SLCO1A2: variants seen among roughly 807,000 people sequenced by gnomAD.
The protein encoded by SLCO1A2 is solute carrier organic anion transporter family member 1A2.
Under a neutral mutation model 69.0 loss-of-function variants are expected in SLCO1A2, and 67 were observed. The observed-to-expected ratio is 0.97, with a 90% CI of 0.80 to 1.19. The LOEUF (loss-of-function observed/expected upper bound fraction) is 1.19, where lower values mean the gene tolerates loss of function less well. SLCO1A2 is among the 50% of genes most tolerant of loss of function. The pLI, the probability that SLCO1A2 is intolerant of heterozygous loss-of-function variation, is 0.00. For synonymous variants in SLCO1A2, 260 were observed against 265.9 expected (o/e 0.98, Z 0.22); for missense variants, 787 against 793.7 (o/e 0.99, Z 0.10).
chr12:21,398,989 A>G (rs1941587373), upstream of SLCO1A2, among the ~76,000 whole-genome samples: 1 of 150,272 alleles, frequency 6.7e-6, no homozygotes. Flanking sequence ...CTCTCTCACC[A>G]CTCCTATTCA....
chr12:21,310,747 T>C (rs941882325), intron 4 of SLCO1A2, among the ~76,000 whole-genome samples: 60 of 152,080 alleles, frequency 3.9e-4, no homozygotes, highest in Non-Finnish European at 4.9e-4. Flanking sequence ...GGACTACAGG[T>C]GCCAACCACC....
intron 2 of SLCO1A2, among the ~76,000 whole-genome samples, chr12:21,340,950 T>TA (rs1265839730): frequency 1.3e-5 from 2 of 152,054 alleles, no homozygotes; most frequent in East Asian, 3.9e-4. Flanking sequence ...GAGATAATAA[T>TA]AAAAATATAA....
At chr12:21,310,367 A>G (rs1359635562) in intron 4 of SLCO1A2, among the ~76,000 whole-genome samples, 1 of 152,254 alleles carries the variant, frequency 6.6e-6, no homozygotes, top group Non-Finnish European at 1.5e-5. Context: ...CAGTAATTGA[A>G]AATGTTTTAT....
At chr12:21,284,093 T>C (rs915291327) in intron 12 of SLCO1A2, among the ~76,000 whole-genome samples, 3 of 152,168 alleles carry the variant, frequency 2.0e-5, no homozygotes, top group African/African-American at 7.2e-5. Context: ...AGGAAGTCAG[T>C]GTATCGAAGA....
intron 6 of SLCO1A2, among the ~76,000 whole-genome samples, chr12:21,302,955 G>T (rs1948905692): frequency 6.7e-6 from 1 of 149,968 alleles, no homozygotes; most frequent in Non-Finnish European, 1.5e-5. Flanking sequence ...GCCTCCCAAA[G>T]TGCTGGGATT....
At chr12:21,416,298 A>C (rs1941986544) in intron 1 of SLCO1A2, among the ~76,000 whole-genome samples, 1 of 151,412 alleles carries the variant, frequency 6.6e-6, no homozygotes, top group Admixed American at 6.6e-5. Context: ...ATTTTCTGTC[A>C]GTCACAATTA....
At chr12:21,278,617 C>A (rs1208033937) in intron 12 of SLCO1A2, among the ~76,000 whole-genome samples, 1 of 152,178 alleles carries the variant, frequency 6.6e-6, no homozygotes, top group Non-Finnish European at 1.5e-5. Context: ...TCTTTTGGAT[C>A]TTATCCAAGA....
At chr12:21,325,100 C>A (rs1461091602) in intron 2 of SLCO1A2, among the ~76,000 whole-genome samples, 2 of 152,150 alleles carry the variant, frequency 1.3e-5, no homozygotes, top group Non-Finnish European at 2.9e-5. Context: ...AATAAATGCT[C>A]CACAAATGGA....
intron 2 of SLCO1A2, among the ~76,000 whole-genome samples, chr12:21,348,642 T>C (rs1937687048): frequency 6.6e-6 from 1 of 152,362 alleles, no homozygotes; most frequent in African/African-American, 2.4e-5. Flanking sequence ...CACCACATTC[T>C]GTATCATCCT....
chr12:21,330,265 G>A (rs983732430), intron 2 of SLCO1A2, among the ~76,000 whole-genome samples: 1 of 152,088 alleles, frequency 6.6e-6, no homozygotes, highest in Non-Finnish European at 1.5e-5. Context: ...GACTAAGGCA[G>A]ACAGATCATT....
intron 1 of SLCO1A2, among the ~76,000 whole-genome samples, chr12:21,413,661 C>T (rs998694549): frequency 1.3e-5 from 2 of 152,124 alleles, no homozygotes; most frequent in Non-Finnish European, 2.9e-5. Flanking sequence ...AGTGCCCAGA[C>T]ATCAAAGCTA....
chr12:21,305,033 A>G (rs1293130448), intron 5 of SLCO1A2, among the ~76,000 whole-genome samples: 1 of 152,236 alleles, frequency 6.6e-6, no homozygotes, highest in Admixed American at 6.5e-5. Context: ...TATTTATAAG[A>G]TTTAAACAAA....
At chr12:21,341,006 T>C (rs1953052040) in intron 2 of SLCO1A2, among the ~76,000 whole-genome samples, 1 of 152,016 alleles carries the variant, frequency 6.6e-6, no homozygotes, top group Admixed American at 6.6e-5. Context: ...TCTAGGGGCA[T>C]TGCAGATATC....
At chr12:21,319,353 C>T (rs376986850) in intron 2 of SLCO1A2, 18 of 1,368,046 alleles carry the variant, frequency 1.3e-5, no homozygotes, top group Admixed American at 7.6e-5. Flanking sequence ...CTCTGCAGGA[C>T]AATAGGTCCC....
intron 4 of SLCO1A2, among the ~76,000 whole-genome samples, chr12:21,312,506 T>C (rs1950347838): frequency 6.6e-6 from 1 of 152,204 alleles, no homozygotes; most frequent in African/African-American, 2.4e-5. Flanking sequence ...GCTTGGCTAT[T>C]TGGTGCAAGT....
chr12:21,332,049 C>T (rs1488708578), intron 2 of SLCO1A2, among the ~76,000 whole-genome samples: 1 of 152,044 alleles, frequency 6.6e-6, no homozygotes, highest in Non-Finnish European at 1.5e-5. Context: ...TTTGTGAACC[C>T]AAAAGTATCT....
intron 8 of SLCO1A2, among the ~76,000 whole-genome samples, chr12:21,300,018 ATGTGTATATATG>A: frequency 6.8e-6 from 1 of 147,838 alleles, no homozygotes; most frequent in East Asian, 2.0e-4. Context: ...GTACATATAT[ATGTGTATATATG>A]TGTGTATATA....
intron 14 of SLCO1A2, among the ~76,000 whole-genome samples, chr12:21,272,441 A>G (rs142825466): frequency 7.0e-4 from 106 of 151,732 alleles, no homozygotes; most frequent in African/African-American, 2.5e-3. Context: ...TGTTTTGTAT[A>G]TTTGAGGTTA....
chr12:21,348,335 T>G (rs1265893851), intron 2 of SLCO1A2, among the ~76,000 whole-genome samples: 2 of 152,224 alleles, frequency 1.3e-5, no homozygotes, highest in Admixed American at 6.5e-5. Context: ...ATAGTGGATC[T>G]TATTCATTCT....
Sources: allele counts gnomAD v4.1 joint callset (sites outside exome capture counted in the v4.1 genomes callset), GRCh38; gene constraint gnomAD v4.1.1; transcripts MANE v1.5; gene names NCBI Gene and HGNC (gene_info 2026-07-23, HGNC 2026-07-21).